Variants in SOX6 observed in about 807,000 individuals in gnomAD.
SOX6 encodes transcription factor SOX-6.
SOX6 carries 11 observed loss-of-function variants against 97.8 expected under a neutral mutation model. That is an observed-to-expected ratio of 0.11 (90% confidence interval 0.07 to 0.19). The LOEUF is 0.19. Among genes scored for constraint, SOX6 ranks in the 10% least tolerant of loss-of-function variants. The pLI is 1.00. For synonymous variants in SOX6, 360 were observed against 371.4 expected, an observed-to-expected ratio of 0.97 and a Z score of 0.35; for missense variants, 810 against 1,039.5, an observed-to-expected ratio of 0.78 and a Z score of 3.04.
At chr11:16,723,119 T>C (rs181405783) in intron 2 of SOX6, among the ~76,000 whole-genome samples, 39 of 152,270 alleles carry the variant, frequency 2.6e-4, no homozygotes, top group African/African-American at 7.9e-4. Flanking sequence ...ATATAGTACA[T>C]ATACACCATG....
intron 3 of SOX6, among the ~76,000 whole-genome samples, chr11:16,277,469 C>A (rs1171564630): frequency 6.6e-6 from 1 of 152,154 alleles, no homozygotes; most frequent in Non-Finnish European, 1.5e-5. Flanking sequence ...TTTAAGCCAT[C>A]CTGTCTGTGG....
chr11:16,679,117 G>A (rs1385242195), intron 3 of SOX6, among the ~76,000 whole-genome samples: 1 of 152,222 alleles, frequency 6.6e-6, no homozygotes, highest in African/African-American at 2.4e-5. Context: ...GGTTCTCCCA[G>A]CGTGGCATTC....
chr11:16,105,322 A>G (rs902630020), intron 7 of SOX6, among the ~76,000 whole-genome samples: 1 of 152,062 alleles, frequency 6.6e-6, no homozygotes, highest in Admixed American at 6.6e-5. Flanking sequence ...CATCTGACAA[A>G]AGTCTAATAT....
intron 3 of SOX6, among the ~76,000 whole-genome samples, chr11:16,614,860 G>A (rs544383827): frequency 6.6e-6 from 1 of 152,248 alleles, no homozygotes; most frequent in East Asian, 1.9e-4. Flanking sequence ...TGGGACACTA[G>A]GGAACTATTT....
intron 4 of SOX6, among the ~76,000 whole-genome samples, chr11:16,227,101 C>A (rs1852710341): frequency 6.6e-6 from 1 of 152,120 alleles, no homozygotes; most frequent in Non-Finnish European, 1.5e-5. Context: ...ATATTTTCCA[C>A]ACTGGATTGT....
At chr11:16,413,995 AAG>A (rs1192402474) in intron 1 of SOX6, among the ~76,000 whole-genome samples, 3 of 151,202 alleles carry the variant, frequency 2.0e-5, no homozygotes, top group African/African-American at 7.4e-5. Context: ...GATTAAAGGA[AAG>A]AATGGCTGAG....
intron 1 of SOX6, among the ~76,000 whole-genome samples, chr11:16,476,156 T>C (rs1411345455): frequency 1.3e-5 from 2 of 152,176 alleles, no homozygotes; most frequent in African/African-American, 4.8e-5. Flanking sequence ...TACTTTTCTC[T>C]ATGCTCCTCC....
chr11:16,730,329 T>C (rs527495310), intron 2 of SOX6, among the ~76,000 whole-genome samples: 1 of 152,116 alleles, frequency 6.6e-6, no homozygotes, highest in Non-Finnish European at 1.5e-5. Flanking sequence ...ATCCTAAAAT[T>C]GGCCACACAA....
chr11:16,211,752 G>A (rs1416080520), intron 4 of SOX6, among the ~76,000 whole-genome samples: 2 of 152,120 alleles, frequency 1.3e-5, no homozygotes, highest in Admixed American at 6.6e-5. Flanking sequence ...GAACCCAACT[G>A]GAAGTCAAAG....
At chr11:16,421,776 TG>T (rs1239101079) in intron 1 of SOX6, among the ~76,000 whole-genome samples, 2 of 152,338 alleles carry the variant, frequency 1.3e-5, no homozygotes, top group East Asian at 3.9e-4. Context: ...AAACTGTGAA[TG>T]AAGGAACTTT....
intron 12 of SOX6, among the ~76,000 whole-genome samples, chr11:16,044,104 C>A (rs1249851106): frequency 6.6e-6 from 1 of 152,096 alleles, no homozygotes; most frequent in Non-Finnish European, 1.5e-5. Context: ...CTATGCTGTA[C>A]AGGCTTTTGT....
At chr11:16,178,740 CA>C (rs1851264911) in intron 6 of SOX6, among the ~76,000 whole-genome samples, 1 of 151,542 alleles carries the variant, frequency 6.6e-6, no homozygotes, top group South Asian at 2.1e-4. Flanking sequence ...CAATAACATA[CA>C]AAAAACGACT....
chr11:16,732,730 G>T (rs1450215737), intron 2 of SOX6, among the ~76,000 whole-genome samples: 1 of 152,136 alleles, frequency 6.6e-6, no homozygotes, highest in Non-Finnish European at 1.5e-5. Context: ...AGCCAAAACT[G>T]ACAAATAGGA....
intron 7 of SOX6, among the ~76,000 whole-genome samples, chr11:16,103,633 C>G (rs1401666032): frequency 6.6e-6 from 1 of 151,820 alleles, no homozygotes; most frequent in Non-Finnish European, 1.5e-5. Flanking sequence ...GCTCATCAAT[C>G]TACGCATGGA....
chr11:16,239,366 A>G (rs568805280), intron 3 of SOX6, among the ~76,000 whole-genome samples: 2 of 152,116 alleles, frequency 1.3e-5, no homozygotes, highest in East Asian at 3.9e-4. Flanking sequence ...AGAACAAGGG[A>G]GTATAAATAG....
At chr11:16,038,079 C>T (rs996391900) in intron 12 of SOX6, among the ~76,000 whole-genome samples, 3 of 152,088 alleles carry the variant, frequency 2.0e-5, no homozygotes, top group East Asian at 1.9e-4. Context: ...AATGCAACAA[C>T]TATTGACATA....
chr11:16,040,703 C>T (rs534359370), intron 12 of SOX6, among the ~76,000 whole-genome samples: 3 of 151,970 alleles, frequency 2.0e-5, no homozygotes, highest in Admixed American at 6.6e-5. Context: ...AGTAAAATTG[C>T]GCTATCAATC....
At chr11:16,458,940 C>T (rs1272147980) in intron 1 of SOX6, among the ~76,000 whole-genome samples, 2 of 151,994 alleles carry the variant, frequency 1.3e-5, no homozygotes, top group African/African-American at 4.8e-5. Flanking sequence ...AAGGTATCTA[C>T]AGTTTGTAGA....
At chr11:16,408,691 C>A (rs1858734163) in intron 1 of SOX6, 2 of 151,918 alleles carry the variant, frequency 1.3e-5, no homozygotes, top group South Asian at 4.1e-4. Flanking sequence ...TGTGAAGCCA[C>A]ACCTACCTCC....
Sources: allele counts gnomAD v4.1 joint callset (sites outside exome capture counted in the v4.1 genomes callset), GRCh38; gene constraint gnomAD v4.1.1; transcripts MANE v1.5; gene names NCBI Gene and HGNC (gene_info 2026-07-23, HGNC 2026-07-21).